R3HCC1: variants seen among roughly 807,000 people sequenced by gnomAD.
R3HCC1 encodes R3H domain and coiled-coil containing 1.
In R3HCC1, 32 loss-of-function variants were observed where a neutral mutation model predicts 40.0. That is an observed-to-expected ratio of 0.80 (90% CI 0.60 to 1.07). The LOEUF is 1.07. R3HCC1 is among the 50% of genes least tolerant of loss of function. R3HCC1 has a pLI of 0.00. For missense variants in R3HCC1, 586 were observed against 563.3 expected, an observed-to-expected ratio of 1.04 and a Z score of -0.41; for synonymous variants, 237 against 232.8, an observed-to-expected ratio of 1.02 and a Z score of -0.17.
intron 1 of R3HCC1, 31 bp downstream of exon 1, chr8:23,288,188 T>C: frequency 8.3e-7 from 1 of 1,202,962 alleles, no homozygotes; most frequent in Non-Finnish European, 1.0e-6. Context: ...GGGGTGGTCG[T>C]CCCGACCCCC....
At chr8:23,295,853 CCACA>C (rs1803001090) in intron 7 of R3HCC1, 110 bp from the exon 8 acceptor site, 1 of 1,368,086 alleles carries the variant, frequency 7.3e-7, no homozygotes, top group Admixed American at 2.8e-5. Context: ...GGCCGAGGCC[CCACA>C]TGTGTCACAT....
chr8:23,288,712 G>C (rs1473563592), intron 2 of R3HCC1, 79 bp downstream of exon 2: 1 of 1,498,808 alleles, frequency 6.7e-7, no homozygotes, highest in Admixed American at 2.0e-5. Context: ...CCCTCCCCCA[G>C]GTGGTGCCTG....
intron 4 of R3HCC1, 88 bp from the exon 5 acceptor site, chr8:23,291,273 C>T (rs1802860152): frequency 2.3e-5 from 33 of 1,458,696 alleles, no homozygotes; most frequent in Non-Finnish European, 2.9e-5. Context: ...TGGGCCCCTT[C>T]TCCCTGCAGA....
chr8:23,294,812 G>A lies in R3HCC1; in HGVS notation c.1140G>A (p.Arg380=). The stretch of plus-strand genomic sequence containing the variant: ...GGGAGTTCTCGGTGCTCAAGATCCG[G>A]CCCCTCACACAGGGAACCAAGCAGT... Residue 380 remains arginine (R), a synonymous_variant, in exon 7 of 8, where the codon CGG becomes CGA. Transcript: ENST00000265806. 6.4e-7 allele frequency: 1 copy of A among 1,551,444 alleles called. No individual in the cohort carries two copies. The highest frequency in any genetic ancestry group is 1.2e-5 in the South Asian group (1 of 84,040).
rs990490057 is a variant in R3HCC1 at position 23,289,049 on chromosome 8, C to T, written c.144C>T (p.Leu48=). 9.0e-5 allele frequency: 138 copies of T among 1,536,562 alleles called. 1 individual carries two copies. In the Admixed American group the frequency reaches 2.6e-3, roughly 29 times the overall value. ...TTTTCCCCCCACTCTCCAGTCGCCT[C>T]CGGTACCTGATCCATAGAACAGCAG... is the stretch of plus-strand genomic sequence containing the variant. Residue 48 remains leucine (L), a synonymous_variant, in exon 3 of 8, where the codon CTC becomes CTT. Transcript: ENST00000265806.
intron 3 of R3HCC1, among the ~76,000 whole-genome samples, chr8:23,289,550 A>G (rs2063141029): frequency 6.6e-6 from 1 of 151,938 alleles, no homozygotes; most frequent in South Asian, 2.1e-4. Flanking sequence ...CTGTGATCCT[A>G]GTGTTTGAAG....
chr8:23,288,112 GC>G lies in R3HCC1; in HGVS notation c.-60del. The stretch of plus-strand genomic sequence containing the variant: ...CTCTCTAGGGCGCTCGGGCGCGCTG[GC>G]CCCTGGGGACGCCGAGGGCGGCTGC... On this transcript the variant is annotated 5_prime_UTR_variant, in exon 1 of 8. Transcript: ENST00000265806. 7.9e-7 allele frequency: 1 copy of G among 1,264,702 alleles called. No individual in the cohort carries two copies. Among genetic ancestry groups the G allele is most frequent in the Non-Finnish European group, 1.0e-6 (1 of 977,766 alleles). 78.3% of individuals were successfully genotyped at this position (1,264,702 alleles called of 1,614,324 possible). A position where few individuals can be genotyped will look rare whatever the true frequency, so the allele number is the denominator to read the frequency against.
rs535203061 is a variant in R3HCC1 at position 23,289,939 on chromosome 8, C to T, written c.322C>T (p.Arg108Trp). ...CTGCCCCAGCAGGTACCACGGTCCT[C>T]GGCCCATCTCCAACCAAGGAGCAGC... The change falls in exon 4 of 8, where the codon CGG (arginine) becomes TGG (tryptophan). Residue 108 changes from arginine (R) to tryptophan (W), a missense_variant. Physicochemically the swap from Arg to Trp is moderately radical, Grantham distance 101. Transcript: ENST00000265806. The T allele has an allele frequency of 8.8e-5, 135 of 1,536,176 alleles. 1 individual carries two copies. The African/African-American group carries it at 1.6e-3, about 18-fold the overall frequency.
At chr8:23,294,459 GC>G (rs1802944099) in intron 6 of R3HCC1, among the ~76,000 whole-genome samples, 1 of 152,200 alleles carries the variant, frequency 6.6e-6, no homozygotes, top group South Asian at 2.1e-4. Context: ...GTTGTGTTTA[GC>G]CCTGGGGCTT....
At chr8:23,295,821 G>T (rs954052213) in intron 7 of R3HCC1, 146 bp from the exon 8 acceptor site, 3 of 1,227,738 alleles carry the variant, frequency 2.4e-6, no homozygotes, top group South Asian at 3.3e-5. Flanking sequence ...ATGAGCATCC[G>T]GCCACACCAC....
chr8:23,288,452 G>A lies in R3HCC1; in HGVS notation c.-18-54G>A, dbSNP rs541666675. On this transcript the variant is annotated intron_variant, in intron 1 of 7. Coordinates refer to ENST00000265806, the MANE Select transcript of R3HCC1 (RefSeq NM_001136108.3). ...TTCGGTGCCGGCGTTGCGGGGTCGC[G>A]GGAGATCCGGGGGTCTGTGCTCTGA... The A allele has an allele frequency of 4.6e-6, 7 of 1,523,480 alleles. No homozygotes were observed. The Admixed American group carries it at 5.9e-5, about 13-fold the overall frequency. 94.4% of individuals were successfully genotyped at this position (1,523,480 alleles called of 1,614,324 possible). A position where few individuals can be genotyped will look rare whatever the true frequency, so the allele number is the denominator to read the frequency against.
chr8:23,288,917 GA>G lies in R3HCC1; in HGVS notation c.111-97del, dbSNP rs372841158. ...AGTCCATCTGGGACCCAGAGGGGCA[GA>G]AGGGAGCCCAGTGTTAATCCGCGAT... is the stretch of plus-strand genomic sequence containing the variant. On this transcript the variant is annotated intron_variant, in intron 2 of 7. Coordinates refer to ENST00000265806, the MANE Select transcript of R3HCC1 (RefSeq NM_001136108.3). 61 of 1,356,100 alleles carry G rather than the reference GA, an allele frequency of 4.5e-5. No individual in the cohort carries two copies. In the African/African-American group the frequency reaches 8.7e-4, roughly 19 times the overall value. The allele number at this position is 1,356,100 out of a possible 1,614,324, so 84.0% of individuals were successfully genotyped here. A position where few individuals can be genotyped will look rare whatever the true frequency, so the allele number is the denominator to read the frequency against.
chr8:23,291,237 G>A (rs1585333132), intron 4 of R3HCC1, 124 bp from the exon 5 acceptor site: 1 of 1,386,910 alleles, frequency 7.2e-7, no homozygotes, highest in Admixed American at 2.7e-5. Flanking sequence ...TCTGCCTGCT[G>A]CTGCCTTTCC....
intron 7 of R3HCC1, among the ~76,000 whole-genome samples, chr8:23,295,224 G>A (rs991976307): frequency 2.6e-5 from 4 of 152,178 alleles, no homozygotes; most frequent in Non-Finnish European, 5.9e-5. Context: ...GGAAGGGCCT[G>A]GGCTTTGGGG....
chr8:23,291,675 A>G, intron 5 of R3HCC1, 142 bp downstream of exon 5: 4 of 1,359,170 alleles, frequency 2.9e-6, no homozygotes, highest in East Asian at 2.5e-5. Flanking sequence ...TGGGCTCTGT[A>G]TTCCTGGGCA....
At chr8:23,294,161 G>T (rs1239836017) in intron 6 of R3HCC1, among the ~76,000 whole-genome samples, 1 of 152,138 alleles carries the variant, frequency 6.6e-6, no homozygotes, top group Non-Finnish European at 1.5e-5. Context: ...GAGGGAGATT[G>T]TGGAAAGGAA....
chr8:23,290,070 G>A lies in R3HCC1; in HGVS notation c.453G>A (p.Leu151=), dbSNP rs781352023. The A allele has an allele frequency of 3.2e-6, 5 of 1,548,930 alleles. No individual in the cohort carries two copies. In the South Asian group the frequency reaches 5.9e-5, roughly 18 times the overall value. ...TGCGCAGGCAGGAAGAATGGGGGCT[G>A]ACCTCTACCTCGGTGCTCAAGAGAG... Residue 151 remains leucine (L), a synonymous_variant, in exon 4 of 8, where the codon CTG becomes CTA. Coordinates refer to ENST00000265806, the MANE Select transcript of R3HCC1 (RefSeq NM_001136108.3).
At position 23,289,103 on chromosome 8, in the gene R3HCC1, C is replaced by T. The variant is rs374682590; in HGVS notation, c.198C>T (p.Ser66=). ...ATTTTGATCTCTTGAGCAGCTTCTC[C>T]GTTGGGGAGGGCTGGAAGAGGAGGA... Residue 66 remains serine (S), a synonymous_variant, in exon 3 of 8, where the codon TCC becomes TCT. Transcript: ENST00000265806. 9 of 1,536,284 alleles carry T rather than the reference C, an allele frequency of 5.9e-6. No homozygotes were observed. The highest frequency in any genetic ancestry group is 5.5e-5 in the African/African-American group (4 of 73,044).
chr8:23,293,906 C>T (rs1802929750), intron 6 of R3HCC1, among the ~76,000 whole-genome samples: 2 of 152,218 alleles, frequency 1.3e-5, no homozygotes, highest in Non-Finnish European at 2.9e-5. Context: ...TGCCTCATGA[C>T]TCCAGTGCTC....
Sources: allele counts gnomAD v4.1 joint callset (sites outside exome capture counted in the v4.1 genomes callset), GRCh38; gene constraint gnomAD v4.1.1; transcripts MANE v1.5; gene names NCBI Gene and HGNC (gene_info 2026-07-23, HGNC 2026-07-21).